The following STK25 variants were observed in gnomAD, a reference collection of about 807,000 sequenced individuals.
STK25 encodes the protein serine/threonine kinase 25, also known as serine/threonine-protein kinase 25.
A neutral mutation model predicts 53.8 loss-of-function variants in STK25; 29 were observed. The observed-to-expected ratio is 0.54, with a 90% CI of 0.40 to 0.74. The LOEUF is 0.74. STK25 is among the 30% of genes least tolerant of loss of function. The pLI is 0.00. For synonymous variants in STK25, 247 were observed against 238.3 expected (o/e 1.04, Z -0.33); for missense variants, 420 against 568.0 (o/e 0.74, Z 2.65).
Position 241,500,921 on chromosome 2 carries a change from TGA to T in STK25, c.262-127_262-126del, listed in dbSNP as rs1336319096. ...CCGGTCCCATCCCTGCCAAGAACCCTGAACAGGAAAGGGCTCTCTCGGCCTTG... is the reference window on the plus strand; with the variant it reads ...CCGGTCCCATCCCTGCCAAGAACCCTACAGGAAAGGGCTCTCTCGGCCTTG... On this transcript the variant is annotated intron_variant, in intron 3 of 11. Transcript: ENST00000316586. The T allele has an allele frequency of 4.5e-6, 4 of 891,984 alleles. No individual in the cohort carries two copies. The African/African-American group carries it at 6.7e-5, about 15-fold the overall frequency. 55.3% of individuals were successfully genotyped at this position (891,984 alleles called of 1,614,324 possible).
At chr2:241,499,458 G>A (rs574242486) in intron 5 of STK25, 44 bp from the exon 6 acceptor site, 2 of 1,597,388 alleles carry the variant, frequency 1.3e-6, no homozygotes, top group East Asian at 2.3e-5. Context: ...GGCTCCACGT[G>A]GCTCCACCCC....
Position 241,496,625 on chromosome 2 carries a change from CT to C in STK25, c.1105-92del, listed in dbSNP as rs1310019707. On this transcript the variant is annotated intron_variant, in intron 10 of 11. Coordinates refer to ENST00000316586, the MANE Select transcript of STK25 (RefSeq NM_001271977.2). The surrounding 1 kb of genome is among the most constrained non-coding windows in gnomAD (Gnocchi z 5.8). ...GCTCGGCCACAGTGATGCCGGAGGC[CT>C]TCAGGGCTCTCGCCTAGGAGCCACA... The C allele has an allele frequency of 8.3e-6, 12 of 1,447,332 alleles. No homozygotes were observed. Among genetic ancestry groups the C allele is most frequent in the Non-Finnish European group, 1.1e-5 (12 of 1,071,356 alleles). The allele number at this position is 1,447,332 out of a possible 1,614,324, so 89.7% of individuals were successfully genotyped here.
intron 2 of STK25, among the ~76,000 whole-genome samples, chr2:241,507,245 G>C (rs1198290656): frequency 6.6e-6 from 1 of 152,182 alleles, no homozygotes; most frequent in Non-Finnish European, 1.5e-5. Context: ...CAGGCCCCAG[G>C]TTGGCTGACC....
chr2:241,505,142 C>G (rs62190458), intron 2 of STK25, among the ~76,000 whole-genome samples: 64,466 of 150,788 alleles, frequency 0.43, 14,112 homozygotes, highest in East Asian at 0.68. Context: ...CCAGGCTAGT[C>G]TCGAACTCCT....
chr2:241,503,994 G>C (rs889009649), intron 2 of STK25: 1 of 470,626 alleles, frequency 2.1e-6, no homozygotes, highest in African/African-American at 2.0e-5. Flanking sequence ...ACCTCCCAGG[G>C]TTCCTAACCA....
chr2:241,499,138 G>T lies in STK25; in HGVS notation c.622C>A (p.Leu208Met), dbSNP rs766429147. Residue 208 changes from leucine to methionine, a missense_variant, in exon 7 of 12, where the codon CTG (leucine) becomes ATG (methionine). Physicochemically the swap from Leu to Met is conservative, Grantham distance 15. Coordinates refer to ENST00000316586, the MANE Select transcript of STK25 (RefSeq NM_001271977.2). Reference protein sequence around the residue: ...IWSLGITAIELAKGEPPNSDL... With the variant: ...IWSLGITAIEMAKGEPPNSDL... ...GAGTTTGGAGGCTCCCCCTTGGCCA[G>T]CTCGATGGCTGTGATCCCCAGGGAC... 6 of 1,613,788 alleles carry T rather than the reference G, an allele frequency of 3.7e-6. No individual in the cohort carries two copies. Among genetic ancestry groups the T allele is most frequent in the Admixed American group, 1.7e-5 (1 of 60,016 alleles).
In STK25 at chr2:241,501,677, G is replaced by C; in HGVS notation, c.62C>G (p.Thr21Ser). The change falls in exon 3 of 12, where the codon ACC (threonine) becomes AGC (serine). Residue 21 changes from threonine to serine, a missense_variant. By Grantham distance (58) the Thr-to-Ser change is moderately conservative. Transcript: ENST00000316586. This position sits in a 1 kb window ranked among gnomAD's most constrained non-coding sequence, Gnocchi z 5.3. ...GCCCTTGCCAATGCGGTCGAGCTTG[G>C]TGAAGAGCTCCTCAGGGTCCACTCG... ...HSRVDPEELF[T>S]KLDRIGKGSF... is the part of the protein sequence containing the mutation. The C allele has an allele frequency of 3.1e-6, 5 of 1,613,926 alleles. No individual in the cohort carries two copies. Among genetic ancestry groups the C allele is most frequent in the Non-Finnish European group, 4.2e-6 (5 of 1,179,990 alleles).
intron 2 of STK25, among the ~76,000 whole-genome samples, chr2:241,502,169 AC>A (rs1409176345): frequency 2.6e-5 from 4 of 151,990 alleles, no homozygotes; most frequent in Non-Finnish European, 5.9e-5. Flanking sequence ...CATTAAAAAA[AC>A]AAACAAACAA....
chr2:241,508,357 T>A (rs965396609), intron 1 of STK25, 86 bp downstream of exon 1: 1 of 966,482 alleles, frequency 1.0e-6, no homozygotes. Flanking sequence ...CCCGCCCCGG[T>A]GTCCCCGCCA....
intron 10 of STK25, chr2:241,497,054 T>TG (rs2065214075): frequency 6.3e-6 from 1 of 157,730 alleles, no homozygotes. Flanking sequence ...CCACATGGGC[T>TG]GGGGCCAACG....
rs2124922963 is a variant in STK25 at position 241,492,740 on chromosome 2, A to ACTC, written c.*2919_*2921dup. Reference sequence around the variant, plus strand: ...CACTTTACTTGGTGCCTGGAATGTCACTCTAGGTTTTTAACATGCTTCTGT... The same window carrying ACTC: ...CACTTTACTTGGTGCCTGGAATGTCACTCCTCTAGGTTTTTAACATGCTTCTGT... On this transcript the variant is annotated 3_prime_UTR_variant, in exon 12 of 12. Transcript: ENST00000316586. The ACTC allele has an allele frequency of 5.4e-6, 3 of 555,296 alleles. No homozygotes were observed. Among genetic ancestry groups the ACTC allele is most frequent in the African/African-American group, 1.9e-5 (1 of 53,140 alleles). The allele number at this position is 555,296 out of a possible 1,614,324, so 34.4% of individuals were successfully genotyped here.
At position 241,501,835 on chromosome 2, in the gene STK25, A is replaced by G; in HGVS notation, c.31-127T>C. The G allele has an allele frequency of 1.5e-6, 1 of 651,942 alleles. No homozygotes were observed. The highest frequency in any genetic ancestry group is 1.9e-5 in the South Asian group (1 of 52,856). The allele number at this position is 651,942 out of a possible 1,614,324, so 40.4% of individuals were successfully genotyped here. On this transcript the variant is annotated intron_variant, in intron 2 of 11. Coordinates refer to ENST00000316586, the MANE Select transcript of STK25 (RefSeq NM_001271977.2). This position sits in a 1 kb window ranked among gnomAD's most constrained non-coding sequence, Gnocchi z 5.3. The stretch of plus-strand genomic sequence containing the variant: ...GGGGGAGTCCAAGGGAGCGCACCTC[A>G]ATTCTTCTCTGGTTTCTTCCTTTCT...
At position 241,496,975 on chromosome 2, in the gene STK25, G is replaced by A. The variant is rs959234337; in HGVS notation, c.1105-441C>T. Among the ~76,000 whole-genome samples, 2 of 152,218 alleles carry A rather than the reference G, an allele frequency of 1.3e-5. No homozygotes were observed. Among genetic ancestry groups the A allele is most frequent in the South Asian group, 2.1e-4 (1 of 4,834 alleles). ...CTGTCACCGGGTGTCACCCACCCTC[G>A]GGGGGCTGTGGCTGGATCAGCAGGC... On this transcript the variant is annotated intron_variant, in intron 10 of 11. Coordinates refer to ENST00000316586, the MANE Select transcript of STK25 (RefSeq NM_001271977.2). This position sits in a 1 kb window ranked among gnomAD's most constrained non-coding sequence, Gnocchi z 5.8.
rs535439867 is a variant in STK25, at chr2:241,498,029, A to C, written c.1032+206T>G. ...ACCCTCTCCTCACAAATTTGGCTCC[A>C]AACAGGCCCTCATCTTCCCGGCACA... On this transcript the variant is annotated intron_variant, in intron 9 of 11. Transcript: ENST00000316586. Among the ~76,000 whole-genome samples the C allele has an allele frequency of 8.5e-5, 13 of 152,100 alleles. No homozygotes were observed. The East Asian group carries it at 1.6e-3, about 18-fold the overall frequency.
In STK25 at chr2:241,498,736, T is replaced by C. The variant is rs995050256; in HGVS notation, c.820A>G (p.Thr274Ala). Reference protein sequence around the residue: ...LLKHKFITRYTKKTSFLTELI... With the variant: ...LLKHKFITRYAKKTSFLTELI... ...TCCGTGAGGAAGGAGGTCTTCTTGG[T>C]GTAGCGTGTGATGAACTTGTGCTTC... is the stretch of plus-strand genomic sequence containing the variant. The change falls in exon 8 of 12, where the codon ACC becomes GCC. Residue 274 changes from threonine (T) to alanine (A), a missense_variant. Transcript: ENST00000316586. 6.2e-7 allele frequency: 1 copy of C among 1,614,012 alleles called. No homozygotes were observed. The highest frequency in any genetic ancestry group is 1.3e-5 in the African/African-American group (1 of 74,944).
chr2:241,502,364 A>T (rs1350671405), intron 2 of STK25, among the ~76,000 whole-genome samples: 3 of 152,192 alleles, frequency 2.0e-5, no homozygotes, highest in Non-Finnish European at 4.4e-5. Context: ...GACAGATGTT[A>T]ATAGGTGAAT....
rs891948912 is a variant in STK25, at chr2:241,499,679, T to G, written c.428-265A>C. ...ACGACAAATCCCAACGACAAGCGAC[T>G]TCGCCCACTGGGGGCTACCGCAGAG... On this transcript the variant is annotated intron_variant, in intron 5 of 11. Coordinates refer to ENST00000316586, the MANE Select transcript of STK25 (RefSeq NM_001271977.2). The G allele has an allele frequency of 7.2e-6, 4 of 556,906 alleles. No homozygotes were observed. The East Asian group carries it at 1.2e-4, about 17-fold the overall frequency. 34.5% of individuals were successfully genotyped at this position (556,906 alleles called of 1,614,324 possible). A position where few individuals can be genotyped will look rare whatever the true frequency, so the allele number is the denominator to read the frequency against.
chr2:241,496,396 A>G lies in STK25; in HGVS notation c.1241+2T>C. The G allele has an allele frequency of 6.2e-7, 1 of 1,611,546 alleles. No individual in the cohort carries two copies. The highest frequency in any genetic ancestry group is 1.3e-5 in the African/African-American group (1 of 74,796). The stretch of plus-strand genomic sequence containing the variant: ...CCGACCCTATGGCACGGCCGCCCTC[A>G]CCTCTGCACTCGCTCCACCAGGTGC... On this transcript the variant is annotated splice_donor_variant, in intron 11 of 11. Coordinates refer to ENST00000316586, the MANE Select transcript of STK25 (RefSeq NM_001271977.2). LOFTEE classifies it high-confidence loss of function. This position sits in a 1 kb window ranked among gnomAD's most constrained non-coding sequence, Gnocchi z 5.8.
Position 241,492,679 on chromosome 2 carries a change from G to A in STK25, c.*2983C>T, listed in dbSNP as rs1450012784. 1.1e-5 allele frequency: 5 copies of A among 443,718 alleles called. No homozygotes were observed. In the East Asian group the frequency reaches 1.5e-4, roughly 13 times the overall value. The allele number at this position is 443,718 out of a possible 1,614,324, so 27.5% of individuals were successfully genotyped here. A position where few individuals can be genotyped will look rare whatever the true frequency, so the allele number is the denominator to read the frequency against. The stretch of plus-strand genomic sequence containing the variant: ...ATGGGTTTGTGGATGGTTGGTTACT[G>A]AACACTGACTTTATTGTGCACAGGG... On this transcript the variant is annotated 3_prime_UTR_variant, in exon 12 of 12. Transcript: ENST00000316586.
Sources: allele counts gnomAD v4.1 joint callset (sites outside exome capture counted in the v4.1 genomes callset), GRCh38; gene constraint gnomAD v4.1.1; non-coding constraint Gnocchi (gnomAD v3.1); transcripts MANE v1.5; gene names NCBI Gene and HGNC (gene_info 2026-07-23, HGNC 2026-07-21).